The following DOCK4 variants were observed in gnomAD, a reference collection of about 807,000 sequenced individuals.
DOCK4 encodes dedicator of cytokinesis 4.
DOCK4 carries 97 observed loss-of-function variants against 268.1 expected under a neutral mutation model. The ratio of observed to expected loss-of-function variants is 0.36; its 90% CI spans 0.31 to 0.43. DOCK4 has a LOEUF of 0.43. Among genes scored for constraint, DOCK4 ranks in the 20% least tolerant of loss-of-function variants. The probability of loss-of-function intolerance (pLI) is 1.00; values close to 1 mark genes in which losing one functional copy is unlikely to be tolerated. For missense variants in DOCK4, 2,145 were observed against 2,455.7 expected, an observed-to-expected ratio of 0.87 and a Z score of 2.67; for synonymous variants, 954 against 887.2, an observed-to-expected ratio of 1.08 and a Z score of -1.34.
chr7:111,890,946 AG>A (rs1476617418), intron 16 of DOCK4, among the ~76,000 whole-genome samples: 2 of 152,164 alleles, frequency 1.3e-5, no homozygotes, highest in African/African-American at 4.8e-5. Flanking sequence ...TTTTTAACGC[AG>A]TTTTTTTTCA....
At chr7:112,198,189 G>A (rs149466333) in intron 1 of DOCK4, among the ~76,000 whole-genome samples, 3 of 151,978 alleles carry the variant, frequency 2.0e-5, no homozygotes, top group South Asian at 2.1e-4. Context: ...GATGGGATTC[G>A]TGACCTTATA....
At chr7:112,163,182 C>T (rs796571639) in intron 1 of DOCK4, among the ~76,000 whole-genome samples, 7 of 152,310 alleles carry the variant, frequency 4.6e-5, no homozygotes, top group African/African-American at 1.4e-4. Flanking sequence ...CAGAGCTTCA[C>T]TCAAGTTATA....
At chr7:112,088,373 T>A (rs983373243) in intron 1 of DOCK4, among the ~76,000 whole-genome samples, 4 of 152,100 alleles carry the variant, frequency 2.6e-5, no homozygotes, top group Non-Finnish European at 5.9e-5. Context: ...TGTTTATAGA[T>A]AAAAAAATGT....
intron 1 of DOCK4, among the ~76,000 whole-genome samples, chr7:112,086,581 T>C (rs1445029660): frequency 3.3e-5 from 5 of 152,142 alleles, no homozygotes; most frequent in African/African-American, 4.8e-5. Context: ...GTTCCTCCTG[T>C]TAAAACAGTG....
At chr7:111,883,649 T>C (rs1207818081) in intron 16 of DOCK4, among the ~76,000 whole-genome samples, 1 of 152,160 alleles carries the variant, frequency 6.6e-6, no homozygotes, top group Non-Finnish European at 1.5e-5. Context: ...GAGGGTGTGA[T>C]GGCTGTGCTG....
chr7:111,799,049 G>A (rs1214903215), intron 30 of DOCK4, among the ~76,000 whole-genome samples: 3 of 152,176 alleles, frequency 2.0e-5, no homozygotes, highest in African/African-American at 7.2e-5. Flanking sequence ...TCAAAGGCAA[G>A]GAAGCCTCAA....
intron 1 of DOCK4, among the ~76,000 whole-genome samples, chr7:112,111,362 CCTT>C (rs968635415): frequency 2.2e-4 from 34 of 152,066 alleles, no homozygotes; most frequent in Non-Finnish European, 2.2e-4. Flanking sequence ...ATTATTTCTG[CCTT>C]CTTCTCCTTA....
chr7:112,140,896 T>A (rs1287986048), intron 1 of DOCK4, among the ~76,000 whole-genome samples: 1 of 152,162 alleles, frequency 6.6e-6, no homozygotes, highest in Non-Finnish European at 1.5e-5. Context: ...ACACCTGACC[T>A]CGAGCAGGCA....
Position 111,767,033 on chromosome 7 carries a change from C to T in DOCK4, c.3914G>A (p.Arg1305Gln), listed in dbSNP as rs1164715468. ...TCAGGATGCATCCAGGCACCTTACC[C>T]GCATCTTGCTCAGGTTTCTGTAGTC... ...YYDYRNLSKM[R>Q]MMEASLYDKI... The change falls in exon 38 of 53, where the codon CGG becomes CAG. Residue 1305 changes from arginine (R) to glutamine (Q), a missense_variant and splice_region_variant. Around this residue, in one of 2 missense-constraint regions of DOCK4, gnomAD observed 1,598 missense variants for 1,986.7 expected, o/e 0.80. Transcript: ENST00000428084. 6 of 1,612,862 alleles carry T rather than the reference C, an allele frequency of 3.7e-6. No homozygotes were observed. The highest frequency in any genetic ancestry group is 4.5e-5 in the East Asian group (2 of 44,866).
chr7:111,810,329 G>A (rs1425278115), intron 28 of DOCK4, among the ~76,000 whole-genome samples: 1 of 152,034 alleles, frequency 6.6e-6, no homozygotes, highest in Non-Finnish European at 1.5e-5. Context: ...GTGCGCTCCT[G>A]TGGTCCCAGC....
intron 24 of DOCK4, 146 bp from the exon 25 acceptor site, chr7:111,845,043 A>G: frequency 1.7e-6 from 2 of 1,171,122 alleles, no homozygotes; most frequent in Non-Finnish European, 2.4e-6. Flanking sequence ...AAACAAAGGC[A>G]CAGAGAAGTT....
chr7:112,089,656 T>C (rs1809442315), intron 1 of DOCK4, among the ~76,000 whole-genome samples: 1 of 152,110 alleles, frequency 6.6e-6, no homozygotes, highest in Non-Finnish European at 1.5e-5. Context: ...TGGGGATGGA[T>C]TTCCTCCTTA....
At chr7:111,991,757 C>T (rs993970810) in intron 5 of DOCK4, among the ~76,000 whole-genome samples, 1 of 151,426 alleles carries the variant, frequency 6.6e-6, no homozygotes, top group Admixed American at 6.6e-5. Context: ...GTCAGGAGAT[C>T]GAGACCATCC....
At chr7:112,069,823 G>C (rs1807425009) in intron 1 of DOCK4, among the ~76,000 whole-genome samples, 1 of 152,114 alleles carries the variant, frequency 6.6e-6, no homozygotes, top group African/African-American at 2.4e-5. Flanking sequence ...AATAGAAAAT[G>C]CCTCCTAAAA....
At chr7:112,153,747 G>GA (rs2116422154) in intron 1 of DOCK4, among the ~76,000 whole-genome samples, 1 of 152,242 alleles carries the variant, frequency 6.6e-6, no homozygotes, top group Admixed American at 6.5e-5. Context: ...GGATGTGTGT[G>GA]AAGGACACAT....
chr7:112,148,727 T>C (rs911599685), intron 1 of DOCK4, among the ~76,000 whole-genome samples: 1 of 152,180 alleles, frequency 6.6e-6, no homozygotes. Context: ...CCTAGAATTC[T>C]AGCGATGGGC....
rs374816878 is a variant in DOCK4 at position 111,977,274 on chromosome 7, G to C, written c.559C>G (p.Arg187Gly). 3 of 1,596,736 alleles carry C rather than the reference G, an allele frequency of 1.9e-6. No individual in the cohort carries two copies. The highest frequency in any genetic ancestry group is 1.3e-5 in the African/African-American group (1 of 74,576). Reference protein sequence around the residue: ...ITELYRLMEHRHRKKDTPVQA... With the variant: ...ITELYRLMEHGHRKKDTPVQA... ...ACCGGGGTGTCTTTCTTCCGATGTC[G>C]ATGTTCCATCTGAATGACACCCCCC... Residue 187 changes from arginine to glycine, a missense_variant, in exon 8 of 53, where the codon CGA becomes GGA. Arg to Gly is a moderately radical substitution (Grantham distance 125, BLOSUM62 -2). Coordinates refer to ENST00000428084, the MANE Select transcript of DOCK4 (RefSeq NM_001363540.2).
At chr7:111,769,124 T>C (rs2133668770) in intron 37 of DOCK4, among the ~76,000 whole-genome samples, 1 of 152,184 alleles carries the variant, frequency 6.6e-6, no homozygotes, top group East Asian at 1.9e-4. Flanking sequence ...AAAATAAATT[T>C]CTGTTGTTTA....
chr7:112,119,997 A>G (rs573114789), intron 1 of DOCK4, among the ~76,000 whole-genome samples: 2 of 151,660 alleles, frequency 1.3e-5, no homozygotes, highest in South Asian at 4.2e-4. Context: ...ACAGGTGCCC[A>G]CCACCACAAC....
Sources: gnomAD v4.1 joint callset for allele counts (sites outside exome capture counted in the v4.1 genomes callset) on GRCh38, gnomAD v4.1.1 for gene constraint, gnomAD v4.1.1 regional missense constraint, MANE v1.5 for transcripts, NCBI Gene and HGNC (gene_info 2026-07-23, HGNC 2026-07-21) for gene names.